Variants in CPLX3 observed in about 807,000 individuals in gnomAD.
CPLX3 encodes complexin-3.
In CPLX3, 12 loss-of-function variants were observed where a neutral mutation model predicts 17.2. That is an observed-to-expected ratio of 0.70 (90% CI 0.45 to 1.13). The LOEUF is 1.13. Among genes scored for constraint, CPLX3 ranks in the 50% most tolerant of loss-of-function variants. The pLI is 0.00. For missense variants in CPLX3, 172 were observed against 203.2 expected (o/e 0.85, Z 0.93); for synonymous variants, 75 against 79.4 (o/e 0.94, Z 0.29).
intron 2 of CPLX3, among the ~76,000 whole-genome samples, chr15:74,829,311 CCCCAGAAG>C (rs2063957930): frequency 6.6e-6 from 1 of 151,968 alleles, no homozygotes; most frequent in Admixed American, 6.5e-5. Context: ...ATAAGGCGCC[CCCCAGAAG>C]AATAGTGAAG....
At position 74,826,871 on chromosome 15, in the gene CPLX3, A is replaced by G; in HGVS notation, c.164+4A>G. 1 of 1,595,702 alleles carries G rather than the reference A, an allele frequency of 6.3e-7. No individual in the cohort carries two copies. The highest frequency in any genetic ancestry group is 8.5e-7 in the Non-Finnish European group (1 of 1,171,352). The stretch of plus-strand genomic sequence containing the variant: ...AGAAGCAACTCGTGGAAGAGAAGTG[A>G]GTGGGATCCCTTCCTGGCTCCAACG... On this transcript the variant is annotated splice_donor_region_variant and intron_variant, in intron 1 of 2. Transcript: ENST00000395018. This position sits in a 1 kb window ranked among gnomAD's most constrained non-coding sequence, Gnocchi z 5.0.
intron 1 of CPLX3, among the ~76,000 whole-genome samples, chr15:74,827,816 C>A (rs1001370171): frequency 9.2e-5 from 14 of 152,200 alleles, no homozygotes; most frequent in Non-Finnish European, 1.5e-5. Flanking sequence ...AGACTGCCAC[C>A]CTGGTTCCCT....
At chr15:74,827,133 G>A (rs1197958606) in intron 1 of CPLX3, among the ~76,000 whole-genome samples, 4 of 152,176 alleles carry the variant, frequency 2.6e-5, no homozygotes. Context: ...GACGAGGAAG[G>A]GGGTGCACGT....
chr15:74,827,084 G>A (rs1273896165), intron 1 of CPLX3, among the ~76,000 whole-genome samples: 1 of 152,130 alleles, frequency 6.6e-6, no homozygotes, highest in Non-Finnish European at 1.5e-5. Flanking sequence ...GGGGGAGTGG[G>A]GGGAGGGGCG....
chr15:74,828,505 G>T (rs903060543), intron 2 of CPLX3, among the ~76,000 whole-genome samples: 1 of 152,190 alleles, frequency 6.6e-6, no homozygotes, highest in Non-Finnish European at 1.5e-5. Flanking sequence ...GGGGGTTTCT[G>T]AACCTACTGA....
At position 74,830,552 on chromosome 15, in the gene CPLX3, C is replaced by T. The variant is rs955452354; in HGVS notation, c.*198C>T. 1.7e-6 allele frequency: 1 copy of T among 574,374 alleles called. No individual in the cohort carries two copies. 35.6% of individuals were successfully genotyped at this position (574,374 alleles called of 1,614,324 possible). A position where few individuals can be genotyped will look rare whatever the true frequency, so the allele number is the denominator to read the frequency against. On this transcript the variant is annotated 3_prime_UTR_variant, in exon 3 of 3. Transcript: ENST00000395018. ...AGTAAAGTCCCCATCTTCACTCTAC[C>T]CTTCAGGACCCTCCCCACCAGCTCA...
At position 74,830,126 on chromosome 15, in the gene CPLX3, T is replaced by G; in HGVS notation, c.253-4T>G. On this transcript the variant is annotated splice_region_variant and splice_polypyrimidine_tract_variant and intron_variant, in intron 2 of 2. Coordinates refer to ENST00000395018, the MANE Select transcript of CPLX3 (RefSeq NM_001030005.3). ...CCCACCCCCTCTTCCCCTCTTCCCT[T>G]CAGAACGAGACAGATGAGAGCCAGA... The G allele has an allele frequency of 6.2e-7, 1 of 1,613,098 alleles. No homozygotes were observed. The highest frequency in any genetic ancestry group is 8.5e-7 in the Non-Finnish European group (1 of 1,179,556).
Position 74,828,111 on chromosome 15 carries a change from G to T in CPLX3, c.242G>T (p.Arg81Leu), listed in dbSNP as rs776442934. The T allele has an allele frequency of 1.3e-6, 2 of 1,591,548 alleles. No homozygotes were observed. Among genetic ancestry groups the T allele is most frequent in the African/African-American group, 1.3e-5 (1 of 74,454 alleles). The change falls in exon 2 of 3, where the codon CGG (arginine) becomes CTG (leucine). Residue 81 changes from arginine to leucine, a missense_variant. Transcript: ENST00000395018. ...CGGAGCCACTTCCGAGACAAATACC[G>T]GCTACCCAAGGTAAGCTGGCCCCGG... ...TLRSHFRDKY[R>L]LPKNETDESQ...
chr15:74,828,359 C>T (rs531083982), intron 2 of CPLX3, among the ~76,000 whole-genome samples: 1 of 152,336 alleles, frequency 6.6e-6, no homozygotes, highest in Admixed American at 6.5e-5. Flanking sequence ...ACTGACAGGT[C>T]TGTATTTCTG....
Position 74,831,320 on chromosome 15 carries a change from C to G in CPLX3, c.*966C>G, listed in dbSNP as rs974393956. 6.6e-6 allele frequency: 1 copy of G among 152,288 alleles called. No individual in the cohort carries two copies. The highest frequency in any genetic ancestry group is 2.4e-5 in the African/African-American group (1 of 41,454). The allele number at this position is 152,288 out of a possible 1,614,324, so 9.4% of individuals were successfully genotyped here. Reference sequence around the variant, plus strand: ...TGCCTTAAAGGGGTGTCCTCCACCCCCCACCTACAGCTTCACAGGAGGGGA... The same window carrying G: ...TGCCTTAAAGGGGTGTCCTCCACCCGCCACCTACAGCTTCACAGGAGGGGA... On this transcript the variant is annotated 3_prime_UTR_variant, in exon 3 of 3. Coordinates refer to ENST00000395018, the MANE Select transcript of CPLX3 (RefSeq NM_001030005.3).
chr15:74,830,276 C>A lies in CPLX3; in HGVS notation c.399C>A (p.Asn133Lys). 1 of 1,613,966 alleles carries A rather than the reference C, an allele frequency of 6.2e-7. No individual in the cohort carries two copies. Among genetic ancestry groups the A allele is most frequent in the Non-Finnish European group, 8.5e-7 (1 of 1,180,042 alleles). Residue 133 changes from asparagine to lysine, a missense_variant, in exon 3 of 3, where the codon AAC becomes AAA. Coordinates refer to ENST00000395018, the MANE Select transcript of CPLX3 (RefSeq NM_001030005.3). Reference sequence around the variant, plus strand: ...AGCTGGCCAGCCTTCCTGGCTTGAACCTGGGCTCACTCAAGGACAAGGCCC... The same window carrying A: ...AGCTGGCCAGCCTTCCTGGCTTGAAACTGGGCTCACTCAAGGACAAGGCCC... ...LGQLASLPGL[N>K]LGSLKDKAQA...
At position 74,830,165 on chromosome 15, in the gene CPLX3, T is replaced by C. The variant is rs769751571; in HGVS notation, c.288T>C (p.Gly96=). 6.2e-7 allele frequency: 1 copy of C among 1,613,454 alleles called. No homozygotes were observed. The highest frequency in any genetic ancestry group is 8.5e-7 in the Non-Finnish European group (1 of 1,179,912). The change falls in exon 3 of 3, where the codon GGT becomes GGC. Residue 96 remains glycine (G), a synonymous_variant. Transcript: ENST00000395018. ...ATGAGAGCCAGATCCAGATGGCAGG[T>C]GGAGACGTGGAGCTGCCCCGGGAGC... The part of the protein sequence containing the change: ...ETDESQIQMA[G]GDVELPRELA...
intron 2 of CPLX3, 124 bp downstream of exon 2, chr15:74,828,245 T>C (rs1654117023): frequency 2.7e-6 from 2 of 729,886 alleles, no homozygotes; most frequent in Non-Finnish European, 4.8e-6. Flanking sequence ...GTTAGATCCT[T>C]CCTTCTCATT....
intron 1 of CPLX3, among the ~76,000 whole-genome samples, chr15:74,827,086 G>C (rs541914407): frequency 6.6e-6 from 1 of 152,176 alleles, no homozygotes; most frequent in Non-Finnish European, 1.5e-5. Flanking sequence ...GGGAGTGGGG[G>C]GAGGGGCGAC....
chr15:74,830,022 A>C, intron 2 of CPLX3, 108 bp from the exon 3 acceptor site: 1 of 740,110 alleles, frequency 1.4e-6, no homozygotes, highest in Non-Finnish European at 2.2e-6. Flanking sequence ...AAGAAAAAAT[A>C]GAATCTAGGG....
Position 74,826,854 on chromosome 15 carries a change from C to T in CPLX3, c.151C>T (p.Leu51Phe), listed in dbSNP as rs1333633893. ...REEYEEYQKQ[L>F]VEEKMERDAQ... is the part of the protein sequence containing the mutation. Reference sequence around the variant, plus strand: ...GGAGTACGAGGAGTATCAGAAGCAACTCGTGGAAGAGAAGTGAGTGGGATC... The same window carrying T: ...GGAGTACGAGGAGTATCAGAAGCAATTCGTGGAAGAGAAGTGAGTGGGATC... The change falls in exon 1 of 3, where the codon CTC (leucine) becomes TTC (phenylalanine). Residue 51 changes from leucine to phenylalanine, a missense_variant. By Grantham distance (22) the Leu-to-Phe change is conservative (BLOSUM62 0). Transcript: ENST00000395018. This position sits in a 1 kb window ranked among gnomAD's most constrained non-coding sequence, Gnocchi z 5.0. 1 of 1,599,710 alleles carries T rather than the reference C, an allele frequency of 6.3e-7. No homozygotes were observed. The highest frequency in any genetic ancestry group is 8.5e-7 in the Non-Finnish European group (1 of 1,173,116).
intron 2 of CPLX3, 44 bp downstream of exon 2, chr15:74,828,165 C>G (rs964137096): frequency 1.3e-6 from 2 of 1,503,596 alleles, no homozygotes; most frequent in Non-Finnish European, 1.8e-6. Context: ...ACCCTGAGCT[C>G]TGGGTTCTGG....
At chr15:74,828,004 G>A (rs771921018) in intron 1 of CPLX3, 30 bp from the exon 2 acceptor site, 22 of 1,570,132 alleles carry the variant, frequency 1.4e-5, no homozygotes, top group Middle Eastern at 1.7e-4. Flanking sequence ...CTCAGCCCTC[G>A]TGGTGACTCT....
chr15:74,828,227 G>C (rs2063952695), intron 2 of CPLX3, 106 bp downstream of exon 2: 2 of 841,346 alleles, frequency 2.4e-6, no homozygotes, highest in East Asian at 2.7e-5. Flanking sequence ...AGACTCACAG[G>C]GTATTTGGTT....
Sources: gnomAD v4.1 joint callset for allele counts (sites outside exome capture counted in the v4.1 genomes callset) on GRCh38, gnomAD v4.1.1 for gene constraint, Gnocchi (gnomAD v3.1) non-coding constraint, MANE v1.5 for transcripts, NCBI Gene and HGNC (gene_info 2026-07-23, HGNC 2026-07-21) for gene names.